The following CDH3 variants were observed in gnomAD, a reference collection of about 807,000 sequenced individuals.
The protein encoded by CDH3 is cadherin-3.
In CDH3, 54 loss-of-function variants were observed where a neutral mutation model predicts 82.0. The ratio of observed to expected loss-of-function variants is 0.66; its 90% CI spans 0.53 to 0.83. CDH3 has a LOEUF of 0.83. Ranked by LOEUF, CDH3 falls within the 40% of genes least tolerant of loss-of-function variation. The probability of loss-of-function intolerance (pLI) is 0.00; values close to 1 mark genes in which losing one functional copy is unlikely to be tolerated. For missense variants in CDH3, 1,054 were observed against 1,084.6 expected, an observed-to-expected ratio of 0.97 and a Z score of 0.40; for synonymous variants, 446 against 437.9, an observed-to-expected ratio of 1.02 and a Z score of -0.23.
chr16:68,679,493 G>A (rs1961142078), intron 6 of CDH3, among the ~76,000 whole-genome samples: 1 of 152,024 alleles, frequency 6.6e-6, no homozygotes, highest in African/African-American at 2.4e-5. Context: ...AGGAGTTTAA[G>A]ACCAGCTGGG....
At chr16:68,652,891 C>G (rs908344358) in intron 2 of CDH3, among the ~76,000 whole-genome samples, 2 of 152,232 alleles carry the variant, frequency 1.3e-5, no homozygotes, top group African/African-American at 4.8e-5. Flanking sequence ...AGTTGATTCT[C>G]ATTGTATAGT....
chr16:68,685,325 A>T lies in CDH3; in HGVS notation c.1545A>T (p.Glu515Asp). ...DEQFVRNNIY[E>D]VMVLAMDNGS... The stretch of plus-strand genomic sequence containing the variant: ...AGTTTGTGAGGAACAACATCTATGA[A>T]GTCATGGTCTTGGCCATGGACAATG... Residue 515 changes from glutamate to aspartate, a missense_variant, in exon 11 of 16, where the codon GAA (glutamate) becomes GAT (aspartate). Transcript: ENST00000264012. 4.3e-6 allele frequency: 7 copies of T among 1,614,128 alleles called. No individual in the cohort carries two copies. The highest frequency in any genetic ancestry group is 5.9e-6 in the Non-Finnish European group (7 of 1,180,016).
At chr16:68,678,392 G>T (rs966015638) in intron 4 of CDH3, 109 bp from the exon 5 acceptor site, 13 of 1,581,066 alleles carry the variant, frequency 8.2e-6, no homozygotes, top group Non-Finnish European at 1.1e-5. Context: ...AACCTCTCCT[G>T]TTCAGTGAGC....
chr16:68,712,347 C>T (rs528959439), intron 1 of CDH3, among the ~76,000 whole-genome samples: 5 of 152,024 alleles, frequency 3.3e-5, no homozygotes, highest in Non-Finnish European at 7.4e-5. Context: ...AGAGAGGTTT[C>T]AACAAGAGCA....
intron 13 of CDH3, among the ~76,000 whole-genome samples, chr16:68,692,728 AGTT>A (rs1156646952): frequency 3.9e-5 from 6 of 152,232 alleles, no homozygotes; most frequent in Admixed American, 2.0e-4. Context: ...AACCTATCAC[AGTT>A]GTTTTTTCCA....
At chr16:68,705,589 CTT>C (rs1961951405) in intron 1 of CDH3, among the ~76,000 whole-genome samples, 1 of 151,444 alleles carries the variant, frequency 6.6e-6, no homozygotes, top group Non-Finnish European at 1.5e-5. Context: ...GCCTGGCTAA[CTT>C]TTGTATTTTT....
At chr16:68,732,951 G>C in the CDH3 span, among the ~76,000 whole-genome samples, 248 of 151,800 alleles carry the variant, frequency 1.6e-3, no homozygotes, top group Middle Eastern at 0.01. Context: ...CTTTAGTGGC[G>C]GGGGTGGGGG....
intron 1 of CDH3, among the ~76,000 whole-genome samples, chr16:68,718,409 G>C (rs1319553532): frequency 6.6e-6 from 1 of 152,152 alleles, no homozygotes; most frequent in Non-Finnish European, 1.5e-5. Context: ...GCTGGGTGTG[G>C]TGGCTCATGC....
Position 68,687,534 on chromosome 16 carries a change from G to T in CDH3, c.1593G>T (p.Thr531=), listed in dbSNP as rs147208782. Residue 531 remains threonine (T), a synonymous_variant, in exon 12 of 16, where the codon ACG becomes ACT. Transcript: ENST00000264012. ...CAGGAAGCCCTCCCACCACTGGCAC[G>T]GGAACCCTTCTGCTAACACTGATTG... ...MDNGSPPTTG[T]GTLLLTLIDV... The T allele has an allele frequency of 1.2e-6, 2 of 1,614,006 alleles. No individual in the cohort carries two copies. The highest frequency in any genetic ancestry group is 1.1e-5 in the South Asian group (1 of 91,076).
At chr16:68,669,546 G>C (rs183225033) in intron 2 of CDH3, among the ~76,000 whole-genome samples, 187 of 150,586 alleles carry the variant, frequency 1.2e-3, no homozygotes, top group Middle Eastern at 6.8e-3. Flanking sequence ...AGTAGAGTGA[G>C]TTGTACACTC....
chr16:68,661,045 A>C (rs1190441681), intron 2 of CDH3, among the ~76,000 whole-genome samples: 1 of 152,130 alleles, frequency 6.6e-6, no homozygotes, highest in Non-Finnish European at 1.5e-5. Flanking sequence ...ATATGAATAC[A>C]TGTGAAGTGT....
chr16:68,704,902 A>G (rs1312706633), downstream of CDH3, among the ~76,000 whole-genome samples: 2 of 151,944 alleles, frequency 1.3e-5, no homozygotes, highest in Non-Finnish European at 2.9e-5. Context: ...TTAAAAAACA[A>G]TTTTTTTTGA....
At chr16:68,715,841 A>G (rs964968941) in intron 1 of CDH3, among the ~76,000 whole-genome samples, 2 of 152,206 alleles carry the variant, frequency 1.3e-5, no homozygotes, top group East Asian at 3.8e-4. Flanking sequence ...GGCACAACAT[A>G]TGGTTCAAAA....
rs184362329 is a variant in CDH3 at position 68,719,789 on chromosome 16, A to T, written c.100-2636A>T. 3.1e-3 allele frequency among the ~76,000 whole-genome samples: 472 copies of T among 152,074 alleles called. 1 individual carries two copies. Among genetic ancestry groups the T allele is most frequent in the African/African-American group, 9.2e-3 (383 of 41,512 alleles). ...GCTGGGATTGCAGGCGTGAGCCACC[A>T]CACCCAGAGATGGAACTGTACTACA... On this transcript the variant is annotated intron_variant, in intron 1 of 2. Coordinates refer to the CDH3 transcript ENST00000569080.
chr16:68,732,385 G>A (rs1238911094), downstream of CDH3, among the ~76,000 whole-genome samples: 1 of 152,246 alleles, frequency 6.6e-6, no homozygotes, highest in Non-Finnish European at 1.5e-5. Flanking sequence ...AGATGAAAGG[G>A]ACAAGACTGC....
chr16:68,651,304 T>C (rs1047873112), intron 2 of CDH3: 19 of 549,808 alleles, frequency 3.5e-5, no homozygotes, highest in Admixed American at 2.5e-4. Context: ...CATGCCCATG[T>C]GGCTGGCGCA....
At chr16:68,731,389 A>ATATATATATAT (rs1555509182), downstream of CDH3, among the ~76,000 whole-genome samples, 1 of 8,284 alleles carries the variant, frequency 1.2e-4, no homozygotes, top group Non-Finnish European at 2.6e-4. Flanking sequence ...AAAAAAAAAA[A>ATATATATATAT]AAAAAAATAT....
intron 2 of CDH3, among the ~76,000 whole-genome samples, chr16:68,655,347 A>G (rs1202041676): frequency 6.6e-6 from 1 of 152,186 alleles, no homozygotes; most frequent in Non-Finnish European, 1.5e-5. Flanking sequence ...ACTAGGTACT[A>G]GATACTCAGA....
At chr16:68,675,056 T>C (rs1960991379) in intron 2 of CDH3, among the ~76,000 whole-genome samples, 1 of 151,090 alleles carries the variant, frequency 6.6e-6, no homozygotes, top group Non-Finnish European at 1.5e-5. Flanking sequence ...GAGGTTGCAG[T>C]GAGCCGAGAT....
Sources: gnomAD v4.1 joint callset for allele counts (sites outside exome capture counted in the v4.1 genomes callset) on GRCh38, gnomAD v4.1.1 for gene constraint, MANE v1.5 for transcripts, NCBI Gene and HGNC (gene_info 2026-07-23, HGNC 2026-07-21) for gene names.